Variants in ADGRD1 observed in about 807,000 individuals in gnomAD.
ADGRD1 encodes G-protein coupled receptor 133.
ADGRD1 carries 77 observed loss-of-function variants against 113.4 expected under a neutral mutation model. The observed-to-expected ratio is 0.68, with a 90% CI of 0.57 to 0.82. The LOEUF (loss-of-function observed/expected upper bound fraction) is 0.82, where lower values mean the gene tolerates loss of function less well. Ranked by LOEUF, ADGRD1 falls within the 40% of genes least tolerant of loss-of-function variation. The pLI is 0.00. For synonymous variants in ADGRD1, 474 were observed against 475.0 expected, an observed-to-expected ratio of 1.00 and a Z score of 0.03; for missense variants, 1,036 against 1,139.1, an observed-to-expected ratio of 0.91 and a Z score of 1.30.
rs749598406 is a variant in ADGRD1 at position 130,966,439 on chromosome 12, A to C, written c.104-24A>C. 3.3e-6 allele frequency: 5 copies of C among 1,523,688 alleles called. No homozygotes were observed. The highest frequency in any genetic ancestry group is 2.7e-5 in the African/African-American group (2 of 73,092). 94.4% of individuals were successfully genotyped at this position (1,523,688 alleles called of 1,614,324 possible). ...TCTTTCCTCTCTAATGATGATTTAA[A>C]ATTTTTATTCTTTTTTCCCCAAGGA... is the stretch of plus-strand genomic sequence containing the variant. On this transcript the variant is annotated intron_variant, in intron 2 of 24. Coordinates refer to ENST00000261654, the MANE Select transcript of ADGRD1 (RefSeq NM_198827.5). This position sits in a 1 kb window ranked among gnomAD's most constrained non-coding sequence, Gnocchi z 4.6.
intron 8 of ADGRD1, among the ~76,000 whole-genome samples, chr12:130,995,224 G>A (rs750310152): frequency 7.9e-5 from 12 of 152,100 alleles, no homozygotes; most frequent in Non-Finnish European, 1.5e-4. Flanking sequence ...AGACAGGCAC[G>A]CACCCCAGAA....
At chr12:131,001,049 A>G (rs1435594281) in intron 9 of ADGRD1, among the ~76,000 whole-genome samples, 1 of 152,204 alleles carries the variant, frequency 6.6e-6, no homozygotes, top group Non-Finnish European at 1.5e-5. Context: ...AGAAATGTGT[A>G]CTTGGTTCAT....
chr12:130,991,386 CTA>C (rs1008336314), intron 7 of ADGRD1, among the ~76,000 whole-genome samples: 1 of 152,110 alleles, frequency 6.6e-6, no homozygotes, highest in African/African-American at 2.4e-5. Flanking sequence ...TGGCTTCTCT[CTA>C]TGCCCTTTTC....
chr12:131,088,010 C>T (rs1364414013), intron 15 of ADGRD1, among the ~76,000 whole-genome samples: 2 of 152,194 alleles, frequency 1.3e-5, no homozygotes, highest in African/African-American at 2.4e-5. Context: ...GGCTCCGTTT[C>T]TCCTCTCCCC....
At chr12:131,090,499 G>A (rs763104696) in intron 15 of ADGRD1, among the ~76,000 whole-genome samples, 29 of 152,160 alleles carry the variant, frequency 1.9e-4, no homozygotes, top group Non-Finnish European at 3.4e-4. Flanking sequence ...CTCCTTGGCG[G>A]TTGTTTCGGG....
intron 14 of ADGRD1, among the ~76,000 whole-genome samples, chr12:131,079,483 T>C (rs1283210442): frequency 6.6e-6 from 1 of 152,226 alleles, no homozygotes; most frequent in East Asian, 1.9e-4. Flanking sequence ...TCTTTGTTTT[T>C]ATATCGAGGT....
At chr12:131,048,400 C>T (rs942631392) in intron 13 of ADGRD1, among the ~76,000 whole-genome samples, 3 of 152,198 alleles carry the variant, frequency 2.0e-5, no homozygotes, top group Admixed American at 6.5e-5. Flanking sequence ...CGCCCATCCT[C>T]GGGTGTCTTC....
At chr12:131,056,406 T>C (rs1883866146) in intron 13 of ADGRD1, among the ~76,000 whole-genome samples, 2 of 152,342 alleles carry the variant, frequency 1.3e-5, no homozygotes, top group South Asian at 4.1e-4. Context: ...AGCTCAGGTC[T>C]AGCCACACTG....
At chr12:131,073,951 C>T (rs543736315) in intron 13 of ADGRD1, among the ~76,000 whole-genome samples, 19 of 152,304 alleles carry the variant, frequency 1.2e-4, no homozygotes, top group African/African-American at 2.9e-4. Context: ...AACACTGCTG[C>T]GTTGGGAATT....
intron 12 of ADGRD1, among the ~76,000 whole-genome samples, chr12:131,011,215 C>A (rs2136790492): frequency 6.8e-6 from 1 of 147,010 alleles, no homozygotes; most frequent in African/African-American, 2.5e-5. Flanking sequence ...CTGTCCCCAC[C>A]TTTACTGGAG....
chr12:131,084,275 A>G lies in ADGRD1; in HGVS notation c.1548-265A>G, dbSNP rs901569557. On this transcript the variant is annotated intron_variant, in intron 14 of 24. Transcript: ENST00000261654. The surrounding 1 kb of genome is among the most constrained non-coding windows in gnomAD (Gnocchi z 4.5). ...GCTTTTCAGGGTGATTGTGCGAAGC[A>G]GCTCCCCCTTCCCTGTCCCAGAGGG... 6.6e-6 allele frequency among the ~76,000 whole-genome samples: 1 copy of G among 152,024 alleles called. No homozygotes were observed. The highest frequency in any genetic ancestry group is 1.5e-5 in the Non-Finnish European group (1 of 67,984).
intron 15 of ADGRD1, among the ~76,000 whole-genome samples, chr12:131,090,085 CT>C (rs1316503179): frequency 1.2e-4 from 19 of 152,178 alleles, no homozygotes; most frequent in Admixed American, 1.2e-3. Flanking sequence ...ACAGAGACGA[CT>C]TACGGTCTCG....
chr12:131,107,969 C>T (rs966254185), intron 17 of ADGRD1, among the ~76,000 whole-genome samples: 16 of 152,138 alleles, frequency 1.1e-4, no homozygotes, highest in African/African-American at 2.9e-4. Flanking sequence ...CTAAGGGACA[C>T]GCCCTGGCTG....
chr12:131,039,114 G>T (rs567303814), intron 13 of ADGRD1, among the ~76,000 whole-genome samples: 8 of 152,330 alleles, frequency 5.3e-5, no homozygotes, highest in Non-Finnish European at 1.0e-4. Context: ...GAGCAGGAAC[G>T]CATGGAGCCT....
At chr12:131,034,045 C>T (rs1232056409) in intron 13 of ADGRD1, among the ~76,000 whole-genome samples, 2 of 152,210 alleles carry the variant, frequency 1.3e-5, no homozygotes, top group East Asian at 1.9e-4. Context: ...CGGAGGCCAG[C>T]GCCAGCCTCC....
chr12:131,054,182 GCATTTACC>G (rs1883649961), intron 13 of ADGRD1, among the ~76,000 whole-genome samples: 1 of 152,150 alleles, frequency 6.6e-6, no homozygotes, highest in South Asian at 2.1e-4. Flanking sequence ...AGTGTTCAAA[GCATTTACC>G]CATAAAACCA....
rs542219132 is a variant in ADGRD1, at chr12:130,966,695, G to A, written c.187+149G>A. The A allele has an allele frequency of 4.7e-6, 3 of 639,592 alleles. No homozygotes were observed. In the South Asian group the frequency reaches 5.4e-5, roughly 11 times the overall value. 39.6% of individuals were successfully genotyped at this position (639,592 alleles called of 1,614,324 possible). ...TGACTGTGGGCCGGGGAATCCCAGG[G>A]CCATCGGGGAGCAGATGTGGACACA... On this transcript the variant is annotated intron_variant, in intron 3 of 24. Coordinates refer to ENST00000261654, the MANE Select transcript of ADGRD1 (RefSeq NM_198827.5). The surrounding 1 kb of genome is among the most constrained non-coding windows in gnomAD (Gnocchi z 4.6).
In ADGRD1 at chr12:131,108,755, A is replaced by C. The variant is rs1950287357; in HGVS notation, c.1919A>C (p.His640Pro). 1.2e-6 allele frequency: 2 copies of C among 1,613,970 alleles called. No individual in the cohort carries two copies. Among genetic ancestry groups the C allele is most frequent in the Non-Finnish European group, 1.7e-6 (2 of 1,179,980 alleles). The part of the protein sequence containing the change: ...TPCQVMAVLL[H>P]YFFLSAFAWM... ...TGCCAAGTGATGGCCGTGCTCCTAC[A>C]CTACTTCTTCCTGAGTGCCTTCGCA... is the stretch of plus-strand genomic sequence containing the variant. Residue 640 changes from histidine to proline, a missense_variant, in exon 18 of 25, where the codon CAC becomes CCC. Coordinates refer to ENST00000261654, the MANE Select transcript of ADGRD1 (RefSeq NM_198827.5).
chr12:131,074,558 T>G (rs991059045), intron 13 of ADGRD1, among the ~76,000 whole-genome samples: 1 of 152,178 alleles, frequency 6.6e-6, no homozygotes, highest in African/African-American at 2.4e-5. Flanking sequence ...CATTTCTGCA[T>G]GAGATGGGGC....
Sources: allele counts gnomAD v4.1 joint callset (sites outside exome capture counted in the v4.1 genomes callset), GRCh38; gene constraint gnomAD v4.1.1; non-coding constraint Gnocchi (gnomAD v3.1); transcripts MANE v1.5; gene names NCBI Gene and HGNC (gene_info 2026-07-23, HGNC 2026-07-21).